The following MYO3B variants were observed in gnomAD, a reference collection of about 807,000 sequenced individuals.
MYO3B encodes myosin IIIB.
A neutral mutation model predicts 174.6 loss-of-function variants in MYO3B; 156 were observed. The observed-to-expected ratio is 0.89, with a 90% CI of 0.78 to 1.02. The LOEUF (loss-of-function observed/expected upper bound fraction) is 1.02, where lower values mean the gene tolerates loss of function less well. Among genes scored for constraint, MYO3B ranks in the 50% least tolerant of loss-of-function variants. MYO3B has a pLI of 0.00. For missense variants in MYO3B, 1,632 were observed against 1,639.4 expected, an observed-to-expected ratio of 1.00 and a Z score of 0.08; for synonymous variants, 563 against 569.1, an observed-to-expected ratio of 0.99 and a Z score of 0.15.
At chr2:170,327,189 A>G (rs2093874648) in intron 7 of MYO3B, among the ~76,000 whole-genome samples, 1 of 152,216 alleles carries the variant, frequency 6.6e-6, no homozygotes, top group Admixed American at 6.5e-5. Context: ...GATCGAGACC[A>G]TCCTGGCCCA....
rs569117332 is a variant in MYO3B at position 170,330,452 on chromosome 2, T to C, written c.750-4933T>C. On this transcript the variant is annotated intron_variant, in intron 7 of 34. Transcript: ENST00000408978. ...CTTCCAATTTTTGCTGAAAGTTTTT[T>C]AGAAAATTTCTTCTTTTAAGTTGCA... Among the ~76,000 whole-genome samples the C allele has an allele frequency of 1.7e-4, 26 of 152,366 alleles. No individual in the cohort carries two copies. The South Asian group carries it at 5.2e-3, about 30-fold the overall frequency.
At chr2:170,281,218 AT>A (rs1267092376) in intron 7 of MYO3B, among the ~76,000 whole-genome samples, 1 of 152,088 alleles carries the variant, frequency 6.6e-6, no homozygotes, top group East Asian at 1.9e-4. Flanking sequence ...ATTCCCAGGT[AT>A]TTTATTCTTT....
intron 30 of MYO3B, among the ~76,000 whole-genome samples, chr2:170,531,523 A>G (rs1361035527): frequency 6.6e-6 from 1 of 152,226 alleles, no homozygotes; most frequent in African/African-American, 2.4e-5. Flanking sequence ...AAGTTAAATG[A>G]GGTAACATAT....
At chr2:170,408,173 G>A (rs539513373) in intron 22 of MYO3B, among the ~76,000 whole-genome samples, 134 of 152,164 alleles carry the variant, frequency 8.8e-4, no homozygotes, top group African/African-American at 3.1e-3. Flanking sequence ...AAGCAATCTA[G>A]GATAGTCTCA....
chr2:170,496,524 T>G (rs1686859853), intron 25 of MYO3B, among the ~76,000 whole-genome samples: 1 of 151,150 alleles, frequency 6.6e-6, no homozygotes, highest in Admixed American at 6.6e-5. Context: ...GAGAAAAAAA[T>G]GCCTTGCAAG....
intron 30 of MYO3B, among the ~76,000 whole-genome samples, chr2:170,528,503 T>G (rs1205958851): frequency 6.6e-6 from 1 of 152,190 alleles, no homozygotes; most frequent in Admixed American, 6.5e-5. Flanking sequence ...CCTCCCGGGT[T>G]TAACCGATTC....
chr2:170,589,511 G>A (rs1470392222), intron 32 of MYO3B, among the ~76,000 whole-genome samples: 1 of 151,930 alleles, frequency 6.6e-6, no homozygotes, highest in Non-Finnish European at 1.5e-5. Flanking sequence ...TGTAGGCCTA[G>A]GTTAATGTAT....
chr2:170,304,796 T>C (rs1462780203), intron 7 of MYO3B, among the ~76,000 whole-genome samples: 1 of 152,042 alleles, frequency 6.6e-6, no homozygotes, highest in African/African-American at 2.4e-5. Context: ...CTGGGGCTTT[T>C]ATATTTTCTT....
chr2:170,482,647 C>T (rs551326872), intron 25 of MYO3B, among the ~76,000 whole-genome samples: 7 of 152,340 alleles, frequency 4.6e-5, no homozygotes, highest in Non-Finnish European at 7.4e-5. Flanking sequence ...TTGGTTAGTG[C>T]AGTAAACAAA....
At chr2:170,510,242 T>G (rs1687895540) in intron 28 of MYO3B, among the ~76,000 whole-genome samples, 1 of 152,130 alleles carries the variant, frequency 6.6e-6, no homozygotes, top group Admixed American at 6.5e-5. Flanking sequence ...TAGAAGCAAA[T>G]TGGATCCTGC....
intron 9 of MYO3B, among the ~76,000 whole-genome samples, chr2:170,374,327 A>C (rs2094272102): frequency 6.6e-6 from 1 of 152,162 alleles, no homozygotes; most frequent in Non-Finnish European, 1.5e-5. Context: ...AGGCTGATCT[A>C]GTCCTGGGAC....
At chr2:170,254,434 G>C (rs562480159) in intron 7 of MYO3B, among the ~76,000 whole-genome samples, 2 of 152,270 alleles carry the variant, frequency 1.3e-5, no homozygotes, top group Non-Finnish European at 1.5e-5. Flanking sequence ...GCGGGACTCG[G>C]GGGGGCGCAT....
chr2:170,506,732 T>C (rs2106102045), intron 28 of MYO3B, among the ~76,000 whole-genome samples: 1 of 152,312 alleles, frequency 6.6e-6, no homozygotes, highest in Middle Eastern at 3.4e-3. Context: ...CACAGCCAAG[T>C]GTATGCATTG....
intron 7 of MYO3B, among the ~76,000 whole-genome samples, chr2:170,267,769 A>C (rs2093395309): frequency 6.6e-6 from 1 of 152,218 alleles, no homozygotes. Context: ...TTTATTTTCG[A>C]GGACATAGAT....
rs148677028 is a variant in MYO3B, at chr2:170,576,568, A to G, written c.3733+32580A>G. Reference sequence around the variant, plus strand: ...AGTATGATTTGTGGAGTCCCATTCCACCGTCACACAGAGCATGAGGCTATG... The same window carrying G: ...AGTATGATTTGTGGAGTCCCATTCCGCCGTCACACAGAGCATGAGGCTATG... On this transcript the variant is annotated intron_variant, in intron 32 of 34. Coordinates refer to ENST00000408978, the MANE Select transcript of MYO3B (RefSeq NM_138995.5). Among the ~76,000 whole-genome samples the G allele has an allele frequency of 1.1e-4, 16 of 152,340 alleles. No homozygotes were observed. In the East Asian group the frequency reaches 2.9e-3, roughly 28 times the overall value.
At chr2:170,577,256 C>T (rs1385868682) in intron 32 of MYO3B, among the ~76,000 whole-genome samples, 1 of 152,164 alleles carries the variant, frequency 6.6e-6, no homozygotes, top group Admixed American at 6.5e-5. Flanking sequence ...CAGAGTGGAT[C>T]GATTAGCTCT....
chr2:170,384,273 GA>G (rs2094357429), intron 12 of MYO3B, among the ~76,000 whole-genome samples: 1 of 152,096 alleles, frequency 6.6e-6, no homozygotes, highest in African/African-American at 2.4e-5. Flanking sequence ...TTTAGCTGCT[GA>G]AAAATTGTGA....
intron 8 of MYO3B, chr2:170,343,626 C>T (rs1464032175): frequency 6.6e-6 from 1 of 152,222 alleles, no homozygotes; most frequent in African/African-American, 2.4e-5. Context: ...ATCCACAGTG[C>T]TTGGCACCTA....
At chr2:170,604,174 G>A (rs1010577354) in intron 32 of MYO3B, among the ~76,000 whole-genome samples, 2 of 152,182 alleles carry the variant, frequency 1.3e-5, no homozygotes, top group Non-Finnish European at 2.9e-5. Flanking sequence ...AGCGATGCTT[G>A]ACTTTATGCA....
Sources: gnomAD v4.1 joint callset for allele counts (sites outside exome capture counted in the v4.1 genomes callset) on GRCh38, gnomAD v4.1.1 for gene constraint, MANE v1.5 for transcripts, NCBI Gene and HGNC (gene_info 2026-07-23, HGNC 2026-07-21) for gene names.